PAPPA2: variants seen among roughly 807,000 people sequenced by gnomAD.
The protein encoded by PAPPA2 is pappalysin 2.
A neutral mutation model predicts 176.4 loss-of-function variants in PAPPA2; 86 were observed. That is an observed-to-expected ratio of 0.49 (90% confidence interval 0.41 to 0.58). The LOEUF (loss-of-function observed/expected upper bound fraction) is 0.58. Ranked by LOEUF, PAPPA2 falls within the 20% of genes least tolerant of loss-of-function variation. The pLI is 0.00. For synonymous variants in PAPPA2, 809 were observed against 852.2 expected (o/e 0.95, Z 0.88); for missense variants, 2,073 against 2,256.9 (o/e 0.92, Z 1.65).
intron 2 of PAPPA2, among the ~76,000 whole-genome samples, chr1:176,571,159 C>G (rs1444175994): frequency 6.6e-6 from 1 of 152,138 alleles, no homozygotes; most frequent in African/African-American, 2.4e-5. Context: ...TCTCTCCTGA[C>G]TCTCCAGAAT....
intron 12 of PAPPA2, among the ~76,000 whole-genome samples, chr1:176,722,815 G>T (rs1273134240): frequency 2.0e-5 from 3 of 152,046 alleles, no homozygotes; most frequent in Non-Finnish European, 2.9e-5. Flanking sequence ...AGGACAGTTT[G>T]TTGTATTACA....
At chr1:176,737,113 T>TA (rs1662454771) in intron 12 of PAPPA2, among the ~76,000 whole-genome samples, 2 of 152,130 alleles carry the variant, frequency 1.3e-5, no homozygotes, top group African/African-American at 4.8e-5. Context: ...GAATTCTTAC[T>TA]AAATAATAGT....
chr1:176,489,203 T>G (rs1652786908), intron 1 of PAPPA2, among the ~76,000 whole-genome samples: 1 of 152,198 alleles, frequency 6.6e-6, no homozygotes, highest in Non-Finnish European at 1.5e-5. Context: ...ATATTTTCTA[T>G]CATGCCCTGT....
chr1:176,489,949 G>A (rs1652818607), intron 1 of PAPPA2, among the ~76,000 whole-genome samples: 1 of 152,102 alleles, frequency 6.6e-6, no homozygotes, highest in Admixed American at 6.6e-5. Flanking sequence ...TTGTCAGATT[G>A]GTTTAGGTGA....
chr1:176,663,231 T>C (rs1658450058), intron 3 of PAPPA2, among the ~76,000 whole-genome samples: 1 of 152,172 alleles, frequency 6.6e-6, no homozygotes, highest in African/African-American at 2.4e-5. Context: ...ATTTTATTGT[T>C]ATCAAAAACT....
chr1:176,498,360 A>C (rs1279785368), intron 1 of PAPPA2, among the ~76,000 whole-genome samples: 2 of 152,176 alleles, frequency 1.3e-5, no homozygotes, highest in African/African-American at 4.8e-5. Context: ...TCATCCCAGC[A>C]TAGACACCTA....
chr1:176,506,044 A>C (rs11584882), intron 1 of PAPPA2, among the ~76,000 whole-genome samples: 26,328 of 152,072 alleles, frequency 0.17, 2,449 homozygotes, highest in Middle Eastern at 0.28. Context: ...ATAAGCACCC[A>C]ATTTCATTCT....
intron 3 of PAPPA2, among the ~76,000 whole-genome samples, chr1:176,622,098 A>T (rs970159086): frequency 1.3e-4 from 20 of 152,130 alleles, no homozygotes; most frequent in Middle Eastern, 3.2e-3. Context: ...AGAGATCATG[A>T]AATATCAGCT....
chr1:176,568,460 A>G (rs1456630371), intron 2 of PAPPA2, among the ~76,000 whole-genome samples: 1 of 152,246 alleles, frequency 6.6e-6, no homozygotes, highest in Non-Finnish European at 1.5e-5. Flanking sequence ...AAGGTCACAC[A>G]GCTGGTGCAG....
At chr1:176,734,548 A>G (rs1305109698) in intron 12 of PAPPA2, among the ~76,000 whole-genome samples, 1 of 152,076 alleles carries the variant, frequency 6.6e-6, no homozygotes, top group Non-Finnish European at 1.5e-5. Flanking sequence ...AACAGGCTCC[A>G]ACCACACCTA....
At chr1:176,725,282 C>T (rs1181210882) in intron 12 of PAPPA2, among the ~76,000 whole-genome samples, 1 of 152,124 alleles carries the variant, frequency 6.6e-6, no homozygotes, top group African/African-American at 2.4e-5. Flanking sequence ...CAAAAACAGG[C>T]AGTGGGTCAG....
At chr1:176,811,020 C>T (rs1391252156) in intron 21 of PAPPA2, among the ~76,000 whole-genome samples, 1 of 152,120 alleles carries the variant, frequency 6.6e-6, no homozygotes, top group East Asian at 1.9e-4. Context: ...TCTATTATTA[C>T]ACTTTAGTAA....
At chr1:176,606,084 C>CAT (rs895904448) in intron 3 of PAPPA2, among the ~76,000 whole-genome samples, 29 of 151,350 alleles carry the variant, frequency 1.9e-4, no homozygotes, top group African/African-American at 3.4e-4. Flanking sequence ...TACACACACA[C>CAT]ATATATATAT....
Position 176,623,326 on chromosome 1 carries a change from G to A in PAPPA2, c.1991+27731G>A, listed in dbSNP as rs1655697941. 2.6e-5 allele frequency among the ~76,000 whole-genome samples: 4 copies of A among 152,130 alleles called. No individual in the cohort carries two copies. In the South Asian group the frequency reaches 8.3e-4, roughly 32 times the overall value. On this transcript the variant is annotated intron_variant, in intron 3 of 22. Coordinates refer to ENST00000367662, the MANE Select transcript of PAPPA2 (RefSeq NM_020318.3). ...AGTCAATGTATCTTTAATTCAGAGA[G>A]GTGAAACATTCCATGTGTGTTTCTG... is the stretch of plus-strand genomic sequence containing the variant.
At chr1:176,791,554 A>G in intron 19 of PAPPA2, 72 bp downstream of exon 19, 1 of 1,521,072 alleles carries the variant, frequency 6.6e-7, no homozygotes, top group East Asian at 2.3e-5. Context: ...AATTTTTTTT[A>G]ATTTTATTTA....
intron 21 of PAPPA2, among the ~76,000 whole-genome samples, chr1:176,833,204 C>T (rs2102986242): frequency 6.6e-6 from 1 of 152,288 alleles, no homozygotes; most frequent in African/African-American, 2.4e-5. Flanking sequence ...TAGCCGAAAA[C>T]ACAGAAGATC....
At chr1:176,481,024 C>T (rs1479235289) in intron 1 of PAPPA2, among the ~76,000 whole-genome samples, 1 of 152,120 alleles carries the variant, frequency 6.6e-6, no homozygotes, top group Non-Finnish European at 1.5e-5. Context: ...CTGCCCTTGG[C>T]CTACCTGCAC....
intron 17 of PAPPA2, among the ~76,000 whole-genome samples, chr1:176,786,187 G>A (rs949797049): frequency 2.0e-4 from 30 of 152,128 alleles, no homozygotes; most frequent in Admixed American, 1.9e-3. Flanking sequence ...GAGTAAAAAA[G>A]AGCTGCAAAC....
intron 1 of PAPPA2, among the ~76,000 whole-genome samples, chr1:176,481,982 G>C (rs948009118): frequency 6.6e-6 from 1 of 152,124 alleles, no homozygotes; most frequent in Non-Finnish European, 1.5e-5. Context: ...AAAGTGCTGG[G>C]ATTATAGGTG....
Sources: gnomAD v4.1 joint callset for allele counts (sites outside exome capture counted in the v4.1 genomes callset) on GRCh38, gnomAD v4.1.1 for gene constraint, MANE v1.5 for transcripts, NCBI Gene and HGNC (gene_info 2026-07-23, HGNC 2026-07-21) for gene names.